Variants in SPON1 observed in about 807,000 individuals in gnomAD.
SPON1 encodes the protein spondin-1.
Under a neutral mutation model 111.7 loss-of-function variants are expected in SPON1, and 52 were observed. That is an observed-to-expected ratio of 0.47 (90% CI 0.37 to 0.59). The LOEUF (loss-of-function observed/expected upper bound fraction) is 0.59. Ranked by LOEUF, SPON1 falls within the 20% of genes least tolerant of loss-of-function variation. The pLI is 0.00. For synonymous variants in SPON1, 410 were observed against 395.8 expected, an observed-to-expected ratio of 1.04 and a Z score of -0.43; for missense variants, 957 against 1,068.5, an observed-to-expected ratio of 0.90 and a Z score of 1.46.
At chr11:13,975,482 A>C (rs1351943814) in intron 1 of SPON1, among the ~76,000 whole-genome samples, 1 of 152,212 alleles carries the variant, frequency 6.6e-6, no homozygotes, top group Non-Finnish European at 1.5e-5. Flanking sequence ...AGTTCAAGAC[A>C]ATTTGTTTCT....
intron 6 of SPON1, among the ~76,000 whole-genome samples, chr11:14,223,969 T>C (rs1382315026): frequency 6.6e-6 from 1 of 152,268 alleles, no homozygotes; most frequent in Non-Finnish European, 1.5e-5. Flanking sequence ...TGGAGAATTC[T>C]TTCTGGCTTT....
At chr11:14,122,933 A>AT (rs34948884) in intron 5 of SPON1, among the ~76,000 whole-genome samples, 19,701 of 132,390 alleles carry the variant, frequency 0.15, 2,125 homozygotes, top group African/African-American at 0.28. Context: ...TGCTCTTGTA[A>AT]TTTTTTTTTT....
At chr11:14,010,568 G>A (rs1554913606) in intron 2 of SPON1, among the ~76,000 whole-genome samples, 1 of 152,186 alleles carries the variant, frequency 6.6e-6, no homozygotes, top group African/African-American at 2.4e-5. Flanking sequence ...TGCTGGCCTA[G>A]GCCAAGCAGG....
At chr11:14,099,346 T>C (rs1849126157) in intron 5 of SPON1, among the ~76,000 whole-genome samples, 1 of 152,232 alleles carries the variant, frequency 6.6e-6, no homozygotes, top group Non-Finnish European at 1.5e-5. Context: ...TCCACTTTTA[T>C]ATATACTGTT....
At chr11:14,127,794 G>T (rs551647430) in intron 5 of SPON1, among the ~76,000 whole-genome samples, 3 of 152,324 alleles carry the variant, frequency 2.0e-5, no homozygotes, top group Admixed American at 1.3e-4. Context: ...GTAAAAAGAG[G>T]TGTAATTGAC....
Position 14,093,678 on chromosome 11 carries a change from A to G in SPON1, c.676+13657A>G, listed in dbSNP as rs1849076561. Among the ~76,000 whole-genome samples the G allele has an allele frequency of 3.3e-5, 5 of 152,322 alleles. No homozygotes were observed. The South Asian group carries it at 1.0e-3, about 32-fold the overall frequency. ...ATTGGATCACCAGATTTAGGAAATT[A>G]TTATTAAGTCCAATCACATGAAAAA... On this transcript the variant is annotated intron_variant, in intron 5 of 15. Coordinates refer to ENST00000576479, the MANE Select transcript of SPON1 (RefSeq NM_006108.4).
chr11:14,111,612 A>G (rs1164435144), intron 5 of SPON1, among the ~76,000 whole-genome samples: 1 of 152,230 alleles, frequency 6.6e-6, no homozygotes, highest in Admixed American at 6.5e-5. Flanking sequence ...AATGAGTTGA[A>G]AATATACCCT....
intron 3 of SPON1, among the ~76,000 whole-genome samples, chr11:14,045,933 G>A (rs1448506756): frequency 6.6e-6 from 1 of 151,954 alleles, no homozygotes; most frequent in African/African-American, 2.4e-5. Flanking sequence ...ATTTTCCTAT[G>A]CCTAAGGCTA....
Position 14,265,763 on chromosome 11 carries a change from CAATTT to C in SPON1, c.*79_*83del. 6.6e-7 allele frequency: 1 copy of C among 1,504,002 alleles called. No individual in the cohort carries two copies. The highest frequency in any genetic ancestry group is 9.0e-7 in the Non-Finnish European group (1 of 1,109,690). 93.2% of individuals were successfully genotyped at this position (1,504,002 alleles called of 1,614,324 possible). A position where few individuals can be genotyped will look rare whatever the true frequency, so the allele number is the denominator to read the frequency against. On this transcript the variant is annotated 3_prime_UTR_variant, in exon 16 of 16. Coordinates refer to ENST00000576479, the MANE Select transcript of SPON1 (RefSeq NM_006108.4). ...GGCTGGATTATTTGCTTGTTTAAGA[CAATTT>C]AAATTGTGTACGCTAGTTTTCATTT...
rs1477415286 is a variant in SPON1 at position 14,266,195 on chromosome 11, C to T, written c.*508C>T. On this transcript the variant is annotated 3_prime_UTR_variant, in exon 16 of 16. Coordinates refer to ENST00000576479, the MANE Select transcript of SPON1 (RefSeq NM_006108.4). ...CAAGTCTCCTCAGTCATCAATAGTT[C>T]CTGGGGAAAAACAGAGCTGGTAGAC... 2.0e-5 allele frequency: 3 copies of T among 152,232 alleles called. No individual in the cohort carries two copies. Among genetic ancestry groups the T allele is most frequent in the African/African-American group, 7.2e-5 (3 of 41,404 alleles). 9.4% of individuals were successfully genotyped at this position (152,232 alleles called of 1,614,324 possible).
Position 14,075,436 on chromosome 11 carries a change from G to T in SPON1, c.553+18G>T, listed in dbSNP as rs966558062. 6.6e-7 allele frequency: 1 copy of T among 1,518,228 alleles called. No individual in the cohort carries two copies. The highest frequency in any genetic ancestry group is 8.9e-7 in the Non-Finnish European group (1 of 1,118,424). 94.0% of individuals were successfully genotyped at this position (1,518,228 alleles called of 1,614,324 possible). ...TGAACAAGGTAAGACCCTGTGGGTG[G>T]GGAGGGGGAGGGGCAGAGACATGGA... is the stretch of plus-strand genomic sequence containing the variant. On this transcript the variant is annotated intron_variant, in intron 4 of 15. Coordinates refer to ENST00000576479, the MANE Select transcript of SPON1 (RefSeq NM_006108.4).
At chr11:14,004,611 T>C (rs1479688617) in intron 2 of SPON1, among the ~76,000 whole-genome samples, 1 of 152,224 alleles carries the variant, frequency 6.6e-6, no homozygotes, top group African/African-American at 2.4e-5. Flanking sequence ...TTCATATACC[T>C]GTTGGCCATT....
At position 14,259,275 on chromosome 11, in the gene SPON1, T is replaced by C; in HGVS notation, c.1493-5T>C. On this transcript the variant is annotated splice_polypyrimidine_tract_variant and splice_region_variant and intron_variant, in intron 11 of 15. Transcript: ENST00000576479. The surrounding 1 kb of genome is among the most constrained non-coding windows in gnomAD (Gnocchi z 5.0). The stretch of plus-strand genomic sequence containing the variant: ...CTGCTGCAGCGTTCACTCGGTGTGT[T>C]GCAGACGGCTCCACCTGCACCATGT... 6.2e-7 allele frequency: 1 copy of C among 1,608,842 alleles called. No individual in the cohort carries two copies. The highest frequency in any genetic ancestry group is 8.5e-7 in the Non-Finnish European group (1 of 1,178,100).
intron 6 of SPON1, among the ~76,000 whole-genome samples, chr11:14,163,511 G>A (rs1274494903): frequency 3.9e-5 from 6 of 152,036 alleles, no homozygotes; most frequent in African/African-American, 1.4e-4. Flanking sequence ...CTTCTTTCAG[G>A]AAGTGATTAC....
intron 5 of SPON1, among the ~76,000 whole-genome samples, chr11:14,100,660 C>G (rs1849136381): frequency 6.6e-6 from 1 of 152,038 alleles, no homozygotes; most frequent in African/African-American, 2.4e-5. Flanking sequence ...TGGATAATTT[C>G]TTTTTTGTTT....
intron 5 of SPON1, among the ~76,000 whole-genome samples, chr11:14,099,079 C>T (rs1371060128): frequency 7.2e-5 from 11 of 152,320 alleles, no homozygotes; most frequent in African/African-American, 2.6e-4. Context: ...CCCTTATCCT[C>T]ACCCCCAAGT....
chr11:13,965,596 C>T (rs1361842304), intron 1 of SPON1, among the ~76,000 whole-genome samples: 3 of 152,228 alleles, frequency 2.0e-5, no homozygotes, highest in Non-Finnish European at 4.4e-5. Context: ...CACCCCAACT[C>T]AGGCTATAGA....
At chr11:14,226,622 T>C (rs1414855001) in intron 6 of SPON1, among the ~76,000 whole-genome samples, 1 of 152,188 alleles carries the variant, frequency 6.6e-6, no homozygotes, top group Non-Finnish European at 1.5e-5. Flanking sequence ...AGCCAAACTA[T>C]CTTAAGTCAG....
chr11:14,138,413 A>G (rs1847617409), intron 6 of SPON1, among the ~76,000 whole-genome samples: 1 of 152,206 alleles, frequency 6.6e-6, no homozygotes, highest in Non-Finnish European at 1.5e-5. Context: ...TGTTACTATA[A>G]CTGCAAAACA....
Sources: gnomAD v4.1 joint callset for allele counts (sites outside exome capture counted in the v4.1 genomes callset) on GRCh38, gnomAD v4.1.1 for gene constraint, Gnocchi (gnomAD v3.1) non-coding constraint, MANE v1.5 for transcripts, NCBI Gene and HGNC (gene_info 2026-07-23, HGNC 2026-07-21) for gene names.